RSPO2: variants seen among roughly 807,000 people sequenced by gnomAD.
RSPO2 encodes the protein R-spondin-2.
A neutral mutation model predicts 30.9 loss-of-function variants in RSPO2; 14 were observed. The ratio of observed to expected loss-of-function variants is 0.45; its 90% confidence interval spans 0.30 to 0.71. The LOEUF (loss-of-function observed/expected upper bound fraction) is 0.71. Ranked by LOEUF, RSPO2 falls within the 30% of genes least tolerant of loss-of-function variation. RSPO2 has a pLI of 0.08. For missense variants in RSPO2, 264 were observed against 301.9 expected, an observed-to-expected ratio of 0.87 and a Z score of 0.93; for synonymous variants, 107 against 96.4, an observed-to-expected ratio of 1.11 and a Z score of -0.64.
At chr8:108,066,345 G>A (rs1259983340) in intron 2 of RSPO2, among the ~76,000 whole-genome samples, 2 of 152,162 alleles carry the variant, frequency 1.3e-5, no homozygotes, top group Non-Finnish European at 2.9e-5. Flanking sequence ...CAACTCAGTA[G>A]CTTCTCTGAA....
At chr8:107,907,214 G>A (rs1162049378) in intron 5 of RSPO2, among the ~76,000 whole-genome samples, 1 of 151,930 alleles carries the variant, frequency 6.6e-6, no homozygotes, top group South Asian at 2.1e-4. Context: ...TAAAGGAAAT[G>A]AATCAATTGT....
At position 108,026,780 on chromosome 8, in the gene RSPO2, C is replaced by A. The variant is rs928011102; in HGVS notation, c.95-37536G>T. Among the ~76,000 whole-genome samples the A allele has an allele frequency of 2.0e-5, 3 of 151,774 alleles. No homozygotes were observed. The East Asian group carries it at 5.8e-4, about 29-fold the overall frequency. On this transcript the variant is annotated intron_variant, in intron 2 of 5. Transcript: ENST00000276659. ...ACTTGGGAGACTGAGGCAGGAGAAT[C>A]GCTTGAACCCGGGAGACAGAGGTTG...
At chr8:107,970,844 A>C (rs1813971777) in intron 3 of RSPO2, among the ~76,000 whole-genome samples, 1 of 152,238 alleles carries the variant, frequency 6.6e-6, no homozygotes, top group Admixed American at 6.5e-5. Context: ...ATTTATGTCC[A>C]GTCCTGTAGT....
rs548664375 is a variant in RSPO2, at chr8:107,956,509, C to T, written c.616+1571G>A. 6.0e-4 allele frequency among the ~76,000 whole-genome samples: 92 copies of T among 152,218 alleles called. 2 individuals carry two copies. In the Middle Eastern group the frequency reaches 0.01, roughly 17 times the overall value. On this transcript the variant is annotated intron_variant, in intron 5 of 5. Coordinates refer to ENST00000276659, the MANE Select transcript of RSPO2 (RefSeq NM_178565.5). ...TGTTGTTGTTGATAACATAAAAATA[C>T]AAATGCAATAAATATTATGGTTAAC...
chr8:108,078,703 T>C (rs2130737252), intron 2 of RSPO2, among the ~76,000 whole-genome samples: 2 of 152,252 alleles, frequency 1.3e-5, no homozygotes, highest in Middle Eastern at 3.4e-3. Context: ...TCTAATTTTG[T>C]GAAACAAGGA....
intron 2 of RSPO2, among the ~76,000 whole-genome samples, chr8:107,992,904 A>C (rs1814893255): frequency 6.6e-6 from 1 of 151,574 alleles, no homozygotes; most frequent in Non-Finnish European, 1.5e-5. Context: ...AAGTAAAGGC[A>C]AATATCTTAA....
At chr8:108,047,810 C>T (rs1811950511) in intron 2 of RSPO2, among the ~76,000 whole-genome samples, 1 of 150,964 alleles carries the variant, frequency 6.6e-6, no homozygotes, top group Non-Finnish European at 1.5e-5. Context: ...AAGATCATGC[C>T]ACTGCACTCC....
chr8:108,057,276 T>A lies in RSPO2; in HGVS notation c.94+25269A>T, dbSNP rs73700377. Among the ~76,000 whole-genome samples, 703 of 152,066 alleles carry A rather than the reference T, an allele frequency of 4.6e-3. 4 individuals are homozygous for A. Among genetic ancestry groups the A allele is most frequent in the African/African-American group, 0.015 (612 of 41,484 alleles). On this transcript the variant is annotated intron_variant, in intron 2 of 5. Coordinates refer to ENST00000276659, the MANE Select transcript of RSPO2 (RefSeq NM_178565.5). ...ATATATACTTATGACACAGGCACTT[T>A]CAAAACTTTATATTTATGTAGAAGG...
intron 2 of RSPO2, among the ~76,000 whole-genome samples, chr8:107,993,311 G>T (rs912315289): frequency 6.6e-5 from 10 of 152,090 alleles, no homozygotes; most frequent in Admixed American, 6.5e-4. Context: ...AATATGGGTA[G>T]GAAGAAACAA....
Position 107,929,483 on chromosome 8 carries a change from G to A in RSPO2, c.617-28293C>T, listed in dbSNP as rs116387439. ...TCACAAGCTTTAAATACACGAACTCGCATAACAGCACCCAAGCAAGCAAAT... is the reference window on the plus strand; with the variant it reads ...TCACAAGCTTTAAATACACGAACTCACATAACAGCACCCAAGCAAGCAAAT... On this transcript the variant is annotated intron_variant, in intron 5 of 5. Transcript: ENST00000276659. 2.4e-3 allele frequency among the ~76,000 whole-genome samples: 363 copies of A among 152,184 alleles called. 3 individuals carry two copies. The highest frequency in any genetic ancestry group is 8.4e-3 in the African/African-American group (349 of 41,530).
chr8:107,924,786 A>G (rs1408787555), intron 5 of RSPO2, among the ~76,000 whole-genome samples: 1 of 151,146 alleles, frequency 6.6e-6, no homozygotes, highest in Non-Finnish European at 1.5e-5. Context: ...CAAAAAGGAA[A>G]GCAAATAAAT....
At chr8:107,998,613 T>C (rs1465167917) in intron 2 of RSPO2, among the ~76,000 whole-genome samples, 1 of 152,156 alleles carries the variant, frequency 6.6e-6, no homozygotes, top group Non-Finnish European at 1.5e-5. Flanking sequence ...AAAATGTTAA[T>C]AAAGCTTAAA....
intron 4 of RSPO2, 88 bp from the exon 5 acceptor site, chr8:107,958,356 G>T (rs1451238027): frequency 9.1e-7 from 1 of 1,093,026 alleles, no homozygotes; most frequent in Admixed American, 2.1e-5. Context: ...TTACAGAGCA[G>T]TGTTCCTTCA....
chr8:108,067,652 G>T (rs1222024219), intron 2 of RSPO2, among the ~76,000 whole-genome samples: 1 of 152,176 alleles, frequency 6.6e-6, no homozygotes, highest in Admixed American at 6.5e-5. Context: ...GGCAGTGCCA[G>T]CATTTGACAC....
intron 2 of RSPO2, among the ~76,000 whole-genome samples, chr8:108,022,934 AAAAAAAAAAAC>A (rs1811099330): frequency 1.5e-5 from 2 of 132,784 alleles, no homozygotes; most frequent in Non-Finnish European, 3.3e-5. Context: ...AAAAAAAAAC[AAAAAAAAAAAC>A]CACACACACA....
intron 2 of RSPO2, among the ~76,000 whole-genome samples, chr8:107,999,922 A>T (rs577564931): frequency 6.6e-6 from 1 of 152,198 alleles, no homozygotes; most frequent in South Asian, 2.1e-4. Context: ...TCTGAAGGAC[A>T]TTCACAACCT....
At chr8:108,008,032 C>CA (rs1815512938) in intron 2 of RSPO2, among the ~76,000 whole-genome samples, 1 of 152,142 alleles carries the variant, frequency 6.6e-6, no homozygotes, top group East Asian at 1.9e-4. Flanking sequence ...TACACATAGG[C>CA]ATTCACGTAT....
chr8:108,078,475 A>C (rs1813082221), intron 2 of RSPO2, among the ~76,000 whole-genome samples: 1 of 152,206 alleles, frequency 6.6e-6, no homozygotes, highest in Non-Finnish European at 1.5e-5. Flanking sequence ...TCCATGTGTC[A>C]TTTTGTATTT....
intron 3 of RSPO2, among the ~76,000 whole-genome samples, chr8:107,977,729 G>A (rs148910428): frequency 2.0e-5 from 3 of 152,164 alleles, no homozygotes; most frequent in African/African-American, 7.2e-5. Flanking sequence ...AAGGACTACT[G>A]GAGGTATCAC....
Sources: gnomAD v4.1 joint callset for allele counts (sites outside exome capture counted in the v4.1 genomes callset) on GRCh38, gnomAD v4.1.1 for gene constraint, MANE v1.5 for transcripts, NCBI Gene and HGNC (gene_info 2026-07-23, HGNC 2026-07-21) for gene names.